Variants in SMAP2 observed in about 807,000 individuals in gnomAD.
The protein encoded by SMAP2 is stromal membrane-associated protein 2.
In SMAP2, 25 loss-of-function variants were observed where a neutral mutation model predicts 56.4. The observed-to-expected ratio is 0.44, with a 90% CI of 0.32 to 0.62. SMAP2 has a LOEUF of 0.62. Ranked by LOEUF, SMAP2 falls within the 20% of genes least tolerant of loss-of-function variation. The pLI, the probability that SMAP2 is intolerant of heterozygous loss-of-function variation, is 0.04. For missense variants in SMAP2, 388 were observed against 545.6 expected (o/e 0.71, Z 2.88); for synonymous variants, 157 against 181.7 (o/e 0.86, Z 1.09).
At chr1:40,383,179 G>A (rs1557831269) in intron 1 of SMAP2, among the ~76,000 whole-genome samples, 1 of 152,178 alleles carries the variant, frequency 6.6e-6, no homozygotes, top group Non-Finnish European at 1.5e-5. Context: ...TACTATGCCT[G>A]CAAGGAAAAT....
rs1168852762 is a variant in SMAP2 at position 40,416,189 on chromosome 1, T to A, written c.695T>A (p.Met232Lys). 1 of 1,613,788 alleles carries A rather than the reference T, an allele frequency of 6.2e-7. No individual in the cohort carries two copies. The highest frequency in any genetic ancestry group is 8.5e-7 in the Non-Finnish European group (1 of 1,179,902). ...CTTTGCCCTAAGGTTGTAGGTTCCA[T>A]GCCAACTGCAGGGAGTGCCGGCTCT... ...SSGSRKVVGSMPTAGSAGSVP... is the reference protein window; with the variant it reads ...SSGSRKVVGSKPTAGSAGSVP... The change falls in exon 8 of 10, where the codon ATG becomes AAG. Residue 232 changes from methionine (M) to lysine (K), a missense_variant. Physicochemically the swap from Met to Lys is moderately conservative, Grantham distance 95 (BLOSUM62 -1). Coordinates refer to ENST00000372718, the MANE Select transcript of SMAP2 (RefSeq NM_022733.3).
At chr1:40,416,730 C>T in intron 8 of SMAP2, 50 bp from the exon 9 acceptor site, 1 of 1,547,562 alleles carries the variant, frequency 6.5e-7, no homozygotes, top group Non-Finnish European at 8.8e-7. Context: ...TTCGGGCTGA[C>T]TTTATGTTTT....
intron 4 of SMAP2, among the ~76,000 whole-genome samples, chr1:40,410,615 A>G (rs1391822072): frequency 2.0e-5 from 3 of 152,118 alleles, no homozygotes; most frequent in African/African-American, 7.2e-5. Context: ...CTGATTGCCA[A>G]TGGGACCCTT....
intron 9 of SMAP2, among the ~76,000 whole-genome samples, chr1:40,420,044 C>T (rs1645027160): frequency 1.3e-5 from 2 of 152,002 alleles, no homozygotes; most frequent in South Asian, 4.1e-4. Context: ...CTATGGAAGT[C>T]AATTTTGGAA....
intron 1 of SMAP2, among the ~76,000 whole-genome samples, chr1:40,352,568 T>A (rs72948117): frequency 2.1e-3 from 316 of 152,246 alleles, no homozygotes; most frequent in African/African-American, 7.3e-3. Flanking sequence ...AGACAGGATC[T>A]TGCTCTGTCA....
intron 1 of SMAP2, among the ~76,000 whole-genome samples, chr1:40,356,138 T>C (rs1029102572): frequency 2.0e-5 from 3 of 152,190 alleles, no homozygotes; most frequent in African/African-American, 7.2e-5. Context: ...TCCAGTTCCA[T>C]TCTTGTTGCA....
intron 1 of SMAP2, among the ~76,000 whole-genome samples, chr1:40,388,539 G>A (rs1238054712): frequency 6.6e-6 from 1 of 152,042 alleles, no homozygotes; most frequent in African/African-American, 2.4e-5. Flanking sequence ...TCTTGGTGGG[G>A]ATTTGGAGAA....
chr1:40,420,306 T>A (rs544830967), intron 9 of SMAP2, among the ~76,000 whole-genome samples: 70 of 152,332 alleles, frequency 4.6e-4, no homozygotes, highest in Middle Eastern at 3.4e-3. Flanking sequence ...TGGAATGCTA[T>A]AAGTCTGATG....
At chr1:40,362,863 T>TG (rs1644465048) in intron 2 of SMAP2, among the ~76,000 whole-genome samples, 1 of 152,130 alleles carries the variant, frequency 6.6e-6, no homozygotes. Context: ...TCCAGGGTGA[T>TG]GATTACATAG....
chr1:40,416,016 G>T (rs1254395626), intron 7 of SMAP2, among the ~76,000 whole-genome samples, 160 bp from the exon 8 acceptor site: 1 of 152,194 alleles, frequency 6.6e-6, no homozygotes, highest in African/African-American at 2.4e-5. Context: ...TAATTATCAG[G>T]TGTGTTCAGA....
At chr1:40,418,495 A>G (rs996076980) in intron 9 of SMAP2, among the ~76,000 whole-genome samples, 3 of 152,212 alleles carry the variant, frequency 2.0e-5, no homozygotes, top group Non-Finnish European at 4.4e-5. Flanking sequence ...ACACCAGAAA[A>G]CATTCTAGAA....
chr1:40,395,520 AAATAAT>A (rs148086726), intron 1 of SMAP2, among the ~76,000 whole-genome samples: 1 of 151,336 alleles, frequency 6.6e-6, no homozygotes, highest in Non-Finnish European at 1.5e-5. Context: ...CACCTCTACA[AAATAAT>A]AATAATAATA....
intron 1 of SMAP2, among the ~76,000 whole-genome samples, chr1:40,404,643 C>T (rs1221316293): frequency 2.6e-5 from 4 of 152,148 alleles, no homozygotes; most frequent in East Asian, 1.9e-4. Context: ...CTTAACTTGT[C>T]TTATGAGTTC....
At chr1:40,355,697 A>T (rs1644432357) in intron 1 of SMAP2, among the ~76,000 whole-genome samples, 1 of 152,036 alleles carries the variant, frequency 6.6e-6, no homozygotes, top group Non-Finnish European at 1.5e-5. Context: ...GTCAGGGCTC[A>T]CTTCAGCCTT....
chr1:40,390,989 G>A (rs1055984746), intron 1 of SMAP2, among the ~76,000 whole-genome samples: 2 of 152,176 alleles, frequency 1.3e-5, no homozygotes, highest in Non-Finnish European at 2.9e-5. Context: ...CTCAACCTCA[G>A]ACTATTGACA....
rs914134237 is a variant in SMAP2, at chr1:40,388,643, C to T, written c.103+14420C>T. Among the ~76,000 whole-genome samples, 5 of 152,116 alleles carry T rather than the reference C, an allele frequency of 3.3e-5. No individual in the cohort carries two copies. The East Asian group carries it at 5.8e-4, about 18-fold the overall frequency. ...GGATTGTAAACGCACCAATCAGCAC[C>T]CTGTCAAAACAGACCGCTCCGCTCT... is the stretch of plus-strand genomic sequence containing the variant. On this transcript the variant is annotated intron_variant, in intron 1 of 9. Transcript: ENST00000372718.
chr1:40,399,245 C>T (rs749066067), intron 1 of SMAP2, among the ~76,000 whole-genome samples: 74 of 151,026 alleles, frequency 4.9e-4, no homozygotes, highest in South Asian at 1.7e-3. Flanking sequence ...CCTGGGCTCA[C>T]GTGATTCTCC....
rs1644910556 is a variant in SMAP2, at chr1:40,408,932, G to A, written c.323+194G>A. ...GTGAATGTCGGAATTGTCATACGGTGTCACTTGAAGAAGACTCACTCTGGA... is the reference window on the plus strand; with the variant it reads ...GTGAATGTCGGAATTGTCATACGGTATCACTTGAAGAAGACTCACTCTGGA... On this transcript the variant is annotated intron_variant, in intron 3 of 9. Coordinates refer to ENST00000372718, the MANE Select transcript of SMAP2 (RefSeq NM_022733.3). The surrounding 1 kb of genome is among the most constrained non-coding windows in gnomAD (Gnocchi z 4.3). Among the ~76,000 whole-genome samples, 7 of 152,174 alleles carry A rather than the reference G, an allele frequency of 4.6e-5. No homozygotes were observed. The highest frequency in any genetic ancestry group is 4.6e-4 in the Admixed American group (7 of 15,274).
At position 40,422,538 on chromosome 1, in the gene SMAP2, GA is replaced by G. The variant is rs1352454788; in HGVS notation, c.*441del. 2.4e-5 allele frequency: 4 copies of G among 163,806 alleles called. No individual in the cohort carries two copies. Among genetic ancestry groups the G allele is most frequent in the Non-Finnish European group, 5.4e-5 (4 of 73,838 alleles). 10.1% of individuals were successfully genotyped at this position (163,806 alleles called of 1,614,324 possible). On this transcript the variant is annotated 3_prime_UTR_variant, in exon 10 of 10. Transcript: ENST00000372718. ...AAGCTGTTTCTAAGTGTTTAAATTT[GA>G]AAAGCATCATGTTCTCATGATTTAT... is the stretch of plus-strand genomic sequence containing the variant.
Sources: gnomAD v4.1 joint callset for allele counts (sites outside exome capture counted in the v4.1 genomes callset) on GRCh38, gnomAD v4.1.1 for gene constraint, Gnocchi (gnomAD v3.1) non-coding constraint, MANE v1.5 for transcripts, NCBI Gene and HGNC (gene_info 2026-07-23, HGNC 2026-07-21) for gene names.